LYN: variants seen among roughly 807,000 people sequenced by gnomAD.
LYN encodes tyrosine-protein kinase Lyn.
LYN carries 12 observed loss-of-function variants against 65.0 expected under a neutral mutation model. The ratio of observed to expected loss-of-function variants is 0.18; its 90% CI spans 0.12 to 0.30. The LOEUF (loss-of-function observed/expected upper bound fraction) is 0.30, where lower values mean the gene tolerates loss of function less well. Among genes scored for constraint, LYN ranks in the 10% least tolerant of loss-of-function variants. The pLI, the probability that LYN is intolerant of heterozygous loss-of-function variation, is 1.00. For missense variants in LYN, 380 were observed against 623.2 expected (o/e 0.61, Z 4.16); for synonymous variants, 222 against 221.2 (o/e 1.00, Z -0.03).
At chr8:55,989,234 G>A (rs180801574) in intron 10 of LYN, among the ~76,000 whole-genome samples, 1 of 152,332 alleles carries the variant, frequency 6.6e-6, no homozygotes, top group Non-Finnish European at 1.5e-5. Context: ...GAGAAAAGCG[G>A]GAAAGATGAA....
chr8:55,944,561 A>T (rs1258070852), intron 2 of LYN, among the ~76,000 whole-genome samples: 1 of 151,902 alleles, frequency 6.6e-6, no homozygotes. Flanking sequence ...GCTCACTGCA[A>T]CCTCCTCCTC....
chr8:56,003,221 A>T (rs1216241006), intron 12 of LYN, among the ~76,000 whole-genome samples: 1 of 143,512 alleles, frequency 7.0e-6, no homozygotes, highest in Admixed American at 6.8e-5. Flanking sequence ...CACCACGCCC[A>T]GCTAATTTTT....
intron 1 of LYN, among the ~76,000 whole-genome samples, chr8:55,927,424 A>T (rs1806138582): frequency 6.6e-6 from 1 of 152,102 alleles, no homozygotes; most frequent in Non-Finnish European, 1.5e-5. Context: ...TTGATAGCTT[A>T]TTTCTTTTAA....
chr8:56,010,707 C>G lies in LYN; in HGVS notation c.*597C>G. The G allele has an allele frequency of 4.3e-6, 1 of 231,196 alleles. No individual in the cohort carries two copies. The highest frequency in any genetic ancestry group is 8.5e-6 in the Non-Finnish European group (1 of 117,028). 14.3% of individuals were successfully genotyped at this position (231,196 alleles called of 1,614,324 possible). A position where few individuals can be genotyped will look rare whatever the true frequency, so the allele number is the denominator to read the frequency against. Reference sequence around the variant, plus strand: ...CTGAGACTGTTAAAACATTTTTCTTCTATGAACACTGCTCAGACCTGCTAG... The same window carrying G: ...CTGAGACTGTTAAAACATTTTTCTTGTATGAACACTGCTCAGACCTGCTAG... On this transcript the variant is annotated 3_prime_UTR_variant, in exon 13 of 13. Transcript: ENST00000519728.
intron 1 of LYN, among the ~76,000 whole-genome samples, chr8:55,898,064 A>G (rs1470417726): frequency 6.6e-6 from 1 of 152,182 alleles, no homozygotes; most frequent in African/African-American, 2.4e-5. Flanking sequence ...ATGAATTTTA[A>G]TACATGTGCA....
At chr8:55,918,503 C>A (rs1019692561) in intron 1 of LYN, among the ~76,000 whole-genome samples, 3 of 152,204 alleles carry the variant, frequency 2.0e-5, no homozygotes, top group Admixed American at 6.5e-5. Context: ...AGGACAAATA[C>A]AAAATGTGCA....
chr8:55,922,754 C>T (rs547738698), intron 1 of LYN, among the ~76,000 whole-genome samples: 20 of 147,668 alleles, frequency 1.4e-4, no homozygotes, highest in African/African-American at 4.1e-4. Context: ...GCAAAAAGAG[C>T]GAAATTCCAT....
At chr8:56,003,529 G>A (rs543075422) in intron 12 of LYN, among the ~76,000 whole-genome samples, 4 of 152,178 alleles carry the variant, frequency 2.6e-5, no homozygotes, top group African/African-American at 4.8e-5. Flanking sequence ...TTAGCCCGGC[G>A]TGGTGGCCAA....
At chr8:55,938,144 G>T (rs1345766225) in intron 1 of LYN, among the ~76,000 whole-genome samples, 3 of 152,200 alleles carry the variant, frequency 2.0e-5, no homozygotes, top group Non-Finnish European at 4.4e-5. Context: ...ATGAAAGAAA[G>T]ACTTTATAGA....
chr8:56,001,711 CTA>C (rs1277247535), intron 12 of LYN, among the ~76,000 whole-genome samples: 1 of 152,192 alleles, frequency 6.6e-6, no homozygotes, highest in Non-Finnish European at 1.5e-5. Flanking sequence ...ACATCTCTTT[CTA>C]TAATCTGTCT....
At chr8:55,916,131 GAT>G (rs2130422458) in intron 1 of LYN, among the ~76,000 whole-genome samples, 1 of 152,276 alleles carries the variant, frequency 6.6e-6, no homozygotes. Context: ...ATTATCTCAT[GAT>G]AGTTTCATGT....
At chr8:55,898,704 TA>T (rs1289818400) in intron 1 of LYN, among the ~76,000 whole-genome samples, 1 of 152,276 alleles carries the variant, frequency 6.6e-6, no homozygotes, top group African/African-American at 2.4e-5. Flanking sequence ...CAATCAATTT[TA>T]GAACATTTTT....
chr8:55,921,206 A>G (rs1477936332), intron 1 of LYN, among the ~76,000 whole-genome samples: 1 of 152,222 alleles, frequency 6.6e-6, no homozygotes, highest in Non-Finnish European at 1.5e-5. Flanking sequence ...ATTGCTGCTG[A>G]CCACAAACTA....
chr8:55,924,349 C>T (rs1416388364), intron 1 of LYN, among the ~76,000 whole-genome samples: 3 of 151,614 alleles, frequency 2.0e-5, no homozygotes, highest in Admixed American at 6.6e-5. Context: ...TATGGCACTT[C>T]TTGGCATCCT....
Position 56,011,483 on chromosome 8 carries a change from ATGCTTTAAACT to A in LYN, c.*1377_*1387del, listed in dbSNP as rs1808816830. 1 of 201,334 alleles carries A rather than the reference ATGCTTTAAACT, an allele frequency of 5.0e-6. No individual in the cohort carries two copies. The highest frequency in any genetic ancestry group is 1.9e-4 in the South Asian group (1 of 5,256). 12.5% of individuals were successfully genotyped at this position (201,334 alleles called of 1,614,324 possible). On this transcript the variant is annotated 3_prime_UTR_variant, in exon 13 of 13. Coordinates refer to ENST00000519728, the MANE Select transcript of LYN (RefSeq NM_002350.4). ...GTTAGAAGTGATTCAACAGAGCTAC[ATGCTTTAAACT>A]TGCCCAAGTTCTACCTCCTTCCTTT...
At chr8:55,995,845 C>G (rs533774877) in intron 10 of LYN, among the ~76,000 whole-genome samples, 235 of 152,212 alleles carry the variant, frequency 1.5e-3, no homozygotes, top group African/African-American at 5.1e-3. Context: ...TGTTTCCACT[C>G]GGAAGTGAAA....
Position 55,999,449 on chromosome 8 carries a change from A to G in LYN, c.1236A>G (p.Pro412=), listed in dbSNP as rs773968926. 1.2e-6 allele frequency: 2 copies of G among 1,613,942 alleles called. No homozygotes were observed. Among genetic ancestry groups the G allele is most frequent in the Non-Finnish European group, 1.7e-6 (2 of 1,179,796 alleles). ...AGTTCCCTATTAAGTGGACGGCTCC[A>G]GAAGCAATCAACTTTGGATGTTTCA... ...GAKFPIKWTA[P]EAINFGCFTI... The change falls in exon 12 of 13, where the codon CCA becomes CCG. Residue 412 remains proline, a synonymous_variant. Coordinates refer to ENST00000519728, the MANE Select transcript of LYN (RefSeq NM_002350.4).
intron 1 of LYN, among the ~76,000 whole-genome samples, chr8:55,885,740 G>A (rs967284094): frequency 7.9e-5 from 12 of 152,202 alleles, no homozygotes; most frequent in African/African-American, 2.9e-4. Context: ...CTGCTTTCCA[G>A]GGGGAAGCTG....
intron 8 of LYN, among the ~76,000 whole-genome samples, chr8:55,959,929 A>G (rs1201535347): frequency 6.6e-6 from 1 of 152,236 alleles, no homozygotes; most frequent in African/African-American, 2.4e-5. Flanking sequence ...AGCACATATT[A>G]TACTGTTCCA....
Sources: allele counts gnomAD v4.1 joint callset (sites outside exome capture counted in the v4.1 genomes callset), GRCh38; gene constraint gnomAD v4.1.1; transcripts MANE v1.5; gene names NCBI Gene and HGNC (gene_info 2026-07-23, HGNC 2026-07-21).